The following ATP5MC2 variants were observed in gnomAD, a reference collection of about 807,000 sequenced individuals.
ATP5MC2 encodes ATP synthase F(0) complex subunit C2, mitochondrial.
ATP5MC2 carries 11 observed loss-of-function variants against 13.5 expected under a neutral mutation model. That is an observed-to-expected ratio of 0.81 (90% CI 0.51 to 1.35). The LOEUF is 1.35. ATP5MC2 is among the 40% of genes most tolerant of loss of function. The pLI is 0.00. For synonymous variants in ATP5MC2, 64 were observed against 69.7 expected (o/e 0.92, Z 0.41); for missense variants, 132 against 175.0 (o/e 0.75, Z 1.39).
intron 4 of ATP5MC2, among the ~76,000 whole-genome samples, chr12:53,667,956 C>CACACATATAT (rs1390194186): frequency 1.5e-5 from 1 of 67,362 alleles, no homozygotes; most frequent in Admixed American, 1.7e-4. Flanking sequence ...CATACACACA[C>CACACATATAT]ATATATATAT....
chr12:53,680,790 A>T (rs146931455), upstream of ATP5MC2, among the ~76,000 whole-genome samples: 74 of 152,340 alleles, frequency 4.9e-4, no homozygotes, highest in African/African-American at 1.6e-3. Context: ...TGTGCTAGGC[A>T]CTGTTCTTGG....
upstream of ATP5MC2, chr12:53,676,484 G>A (rs1945281883): frequency 3.0e-6 from 1 of 329,038 alleles, no homozygotes; most frequent in South Asian, 4.4e-5. Flanking sequence ...GCAGGAGGAA[G>A]ATCTTGGGAG....
chr12:53,670,079 G>C, intron 2 of ATP5MC2, 131 bp from the exon 3 acceptor site: 1 of 788,366 alleles, frequency 1.3e-6, no homozygotes, highest in East Asian at 2.7e-5. Context: ...TCACATGTAC[G>C]TTAGAGTTTT....
At chr12:53,672,296 A>G (rs1945123359) in intron 2 of ATP5MC2, among the ~76,000 whole-genome samples, 1 of 152,104 alleles carries the variant, frequency 6.6e-6, no homozygotes, top group African/African-American at 2.4e-5. Flanking sequence ...ATCTTGGCTC[A>G]CTGCAACCTC....
rs981460718 is a variant in ATP5MC2, at chr12:53,676,004, C to T, written c.-32+49G>A. ...AAAGCATCCGCGCAAGGTGAGGTGT[C>T]CCGCGCGCGTGCGCAGCGCACAGAG... On this transcript the variant is annotated intron_variant, in intron 1 of 4. Coordinates refer to ENST00000394349, the MANE Select transcript of ATP5MC2 (RefSeq NM_005176.7). 9 of 1,596,792 alleles carry T rather than the reference C, an allele frequency of 5.6e-6. No homozygotes were observed. In the African/African-American group the frequency reaches 1.1e-4, roughly 19 times the overall value.
rs1395725238 is a variant in ATP5MC2 at position 53,669,164 on chromosome 12, T to C, written c.295A>G (p.Ile99Val). The C allele has an allele frequency of 2.5e-6, 4 of 1,610,672 alleles. No individual in the cohort carries two copies. The highest frequency in any genetic ancestry group is 2.5e-6 in the Non-Finnish European group (3 of 1,178,504). ...AGIGTVFGSL[I>V]IGYARNPSLK... ...TTATCTTACCTGGCATAACCAATGA[T>C]GAGGCTCCCAAACACAGTTCCAATC... Residue 99 changes from isoleucine (I) to valine (V), a missense_variant, in exon 4 of 5, where the codon ATC (isoleucine) becomes GTC (valine). By Grantham distance (29) the Ile-to-Val change is conservative (BLOSUM62 3). Coordinates refer to ENST00000394349, the MANE Select transcript of ATP5MC2 (RefSeq NM_005176.7).
intron 4 of ATP5MC2, among the ~76,000 whole-genome samples, chr12:53,667,622 G>A (rs1944954829): frequency 6.6e-6 from 1 of 151,910 alleles, no homozygotes; most frequent in African/African-American, 2.4e-5. Flanking sequence ...TCAGCCTCCT[G>A]AGTAGCTGGG....
At chr12:53,672,437 G>A in intron 2 of ATP5MC2, 139 bp downstream of exon 2, 1 of 917,666 alleles carries the variant, frequency 1.1e-6, no homozygotes. Flanking sequence ...GGCCAGGCTG[G>A]TTTTGAACTC....
At chr12:53,670,101 C>T (rs1216992487) in intron 2 of ATP5MC2, 153 bp from the exon 3 acceptor site, 2 of 714,826 alleles carry the variant, frequency 2.8e-6, no homozygotes, top group African/African-American at 1.7e-5. Flanking sequence ...GATCATTCTT[C>T]CTTTTAGCAA....
At chr12:53,669,622 G>A (rs1190310251) in intron 3 of ATP5MC2, among the ~76,000 whole-genome samples, 1 of 152,210 alleles carries the variant, frequency 6.6e-6, no homozygotes, top group African/African-American at 2.4e-5. Context: ...ACTGAAGTCA[G>A]TAGACTAGGC....
chr12:53,668,525 G>A (rs1006989852), intron 4 of ATP5MC2, among the ~76,000 whole-genome samples: 5 of 150,154 alleles, frequency 3.3e-5, no homozygotes, highest in African/African-American at 7.3e-5. Flanking sequence ...GGCTGGTCTC[G>A]AACTCCTGAC....
chr12:53,679,813 C>T (rs7312853), upstream of ATP5MC2, among the ~76,000 whole-genome samples: 1 of 151,782 alleles, frequency 6.6e-6, no homozygotes, highest in Non-Finnish European at 1.5e-5. Flanking sequence ...TGTGAGACAT[C>T]GGTAAACCTC....
rs1303517302 is a variant in ATP5MC2 at position 53,672,679 on chromosome 12, T to G, written c.-31-34A>C. 3 of 1,546,224 alleles carry G rather than the reference T, an allele frequency of 1.9e-6. No homozygotes were observed. In the South Asian group the frequency reaches 3.6e-5, roughly 18 times the overall value. On this transcript the variant is annotated intron_variant, in intron 1 of 4. Coordinates refer to ENST00000394349, the MANE Select transcript of ATP5MC2 (RefSeq NM_005176.7). ...ACAGAAGCAGTATTGTAAACGCTCCTTATTCACTAAACTATATCCTTATTA... is the reference window on the plus strand; with the variant it reads ...ACAGAAGCAGTATTGTAAACGCTCCGTATTCACTAAACTATATCCTTATTA...
intron 1 of ATP5MC2, among the ~76,000 whole-genome samples, chr12:53,674,969 A>T (rs1945222318): frequency 6.6e-6 from 1 of 152,158 alleles, no homozygotes; most frequent in Non-Finnish European, 1.5e-5. Flanking sequence ...TCTTAGGGGG[A>T]TTAAGTATGT....
In ATP5MC2 at chr12:53,669,276, G is replaced by A. The variant is rs747097783; in HGVS notation, c.183C>T (p.Thr61=). 3.4e-5 allele frequency: 55 copies of A among 1,614,008 alleles called. No homozygotes were observed. Among genetic ancestry groups the A allele is most frequent in the Non-Finnish European group, 4.4e-5 (52 of 1,180,024 alleles). ...TSLVSSRSFQ[T]SAISRDIDTA... ...TGTCGATGTCCCTTGAAATGGCGCT[G>A]GTTTGGAAGCTGCGGCTAGAGACAA... The change falls in exon 4 of 5, where the codon ACC becomes ACT. Residue 61 remains threonine (T), a synonymous_variant. Transcript: ENST00000394349.
At chr12:53,679,623 C>G (rs768279474), upstream of ATP5MC2, among the ~76,000 whole-genome samples, 1 of 152,218 alleles carries the variant, frequency 6.6e-6, no homozygotes, top group Non-Finnish European at 1.5e-5. Context: ...TTCTGCTAAA[C>G]AGGCACTTTT....
chr12:53,673,106 G>A (rs968952515), intron 1 of ATP5MC2: 2 of 155,618 alleles, frequency 1.3e-5, no homozygotes, highest in African/African-American at 4.8e-5. Flanking sequence ...GGATCACGAG[G>A]TCAGGAGTTC....
In ATP5MC2 at chr12:53,669,236, T is replaced by C. The variant is rs751082174; in HGVS notation, c.223A>G (p.Ile75Val). ...SRDIDTAAKFIGAGAATVGVA... is the reference protein window; with the variant it reads ...SRDIDTAAKFVGAGAATVGVA... ...CCAACTGTGGCAGCCCCAGCTCCAA[T>C]GAACTTGGCTGCTGTGTCGATGTCC... The change falls in exon 4 of 5, where the codon ATT becomes GTT. Residue 75 changes from isoleucine (I) to valine (V), a missense_variant. Transcript: ENST00000394349. The C allele has an allele frequency of 1.9e-6, 3 of 1,613,900 alleles. No homozygotes were observed. The highest frequency in any genetic ancestry group is 2.7e-5 in the African/African-American group (2 of 74,898).
rs1945139693 is a variant in ATP5MC2, at chr12:53,672,712, AG to A, written c.-31-68del. ...TAAACTATATCCTTATTAGCAGAAA[AG>A]GGGCCCTAGAAAGCTTAACTGGCCC... On this transcript the variant is annotated intron_variant, in intron 1 of 4. Coordinates refer to ENST00000394349, the MANE Select transcript of ATP5MC2 (RefSeq NM_005176.7). 3.4e-6 allele frequency: 5 copies of A among 1,451,556 alleles called. No individual in the cohort carries two copies. The South Asian group carries it at 3.7e-5, about 11-fold the overall frequency. 89.9% of individuals were successfully genotyped at this position (1,451,556 alleles called of 1,614,324 possible).
Sources: gnomAD v4.1 joint callset for allele counts (sites outside exome capture counted in the v4.1 genomes callset) on GRCh38, gnomAD v4.1.1 for gene constraint, MANE v1.5 for transcripts, NCBI Gene and HGNC (gene_info 2026-07-23, HGNC 2026-07-21) for gene names.